Variants in ZDHHC21 observed in about 807,000 individuals in gnomAD.
The protein encoded by ZDHHC21 is palmitoyltransferase ZDHHC21.
Under a neutral mutation model 34.6 loss-of-function variants are expected in ZDHHC21, and 15 were observed. That is an observed-to-expected ratio of 0.43 (90% CI 0.29 to 0.67). ZDHHC21 has a LOEUF of 0.67. Ranked by LOEUF, ZDHHC21 falls within the 30% of genes least tolerant of loss-of-function variation. The probability of loss-of-function intolerance (pLI) is 0.14; values close to 1 mark genes in which losing one functional copy is unlikely to be tolerated. For synonymous variants in ZDHHC21, 142 were observed against 101.8 expected (o/e 1.40, Z -2.38); for missense variants, 344 against 327.7 (o/e 1.05, Z -0.38).
chr9:14,681,702 C>T (rs1837403604), intron 2 of ZDHHC21, among the ~76,000 whole-genome samples: 1 of 149,842 alleles, frequency 6.7e-6, no homozygotes, highest in Non-Finnish European at 1.5e-5. Context: ...GAGTAAGCAC[C>T]CCAAAAATGG....
chr9:14,691,736 G>T (rs1423566529), intron 1 of ZDHHC21, among the ~76,000 whole-genome samples: 1 of 152,100 alleles, frequency 6.6e-6, no homozygotes, highest in South Asian at 2.1e-4. Context: ...TAATAGAATT[G>T]TTTCCATCGA....
At chr9:14,620,726 A>C (rs1343571) in intron 8 of ZDHHC21, among the ~76,000 whole-genome samples, 1 of 151,850 alleles carries the variant, frequency 6.6e-6, no homozygotes, top group Admixed American at 6.6e-5. Flanking sequence ...ATTCTCATTA[A>C]GAATAGTTGC....
At position 14,688,645 on chromosome 9, in the gene ZDHHC21, T is replaced by C. The variant is rs543066786; in HGVS notation, c.-176+1692A>G. On this transcript the variant is annotated intron_variant, in intron 2 of 9. Coordinates refer to ENST00000380916, the MANE Select transcript of ZDHHC21 (RefSeq NM_178566.6). ...GGGAGGCAAAGGCGGGTGGATCACC[T>C]GAGGTCAGGAGTTCAAGACCAAACT... Among the ~76,000 whole-genome samples the C allele has an allele frequency of 7.9e-5, 12 of 152,242 alleles. No individual in the cohort carries two copies. The South Asian group carries it at 2.5e-3, about 32-fold the overall frequency.
chr9:14,630,945 T>A (rs1827235462), intron 8 of ZDHHC21, among the ~76,000 whole-genome samples: 1 of 152,254 alleles, frequency 6.6e-6, no homozygotes, highest in Non-Finnish European at 1.5e-5. Flanking sequence ...AGAGTAGATT[T>A]AGCATAATTC....
chr9:14,646,555 C>T (rs956050882), intron 7 of ZDHHC21, among the ~76,000 whole-genome samples: 1 of 152,104 alleles, frequency 6.6e-6, no homozygotes, highest in African/African-American at 2.4e-5. Context: ...GACCACCTCT[C>T]TGATCTCATC....
rs115987642 is a variant in ZDHHC21, at chr9:14,689,804, G to C, written c.-176+533C>G. 6.2e-3 allele frequency among the ~76,000 whole-genome samples: 940 copies of C among 152,270 alleles called. 15 individuals are homozygous for C. The highest frequency in any genetic ancestry group is 0.021 in the African/African-American group (888 of 41,560). On this transcript the variant is annotated intron_variant, in intron 2 of 9. Coordinates refer to ENST00000380916, the MANE Select transcript of ZDHHC21 (RefSeq NM_178566.6). ...GTCTGAGACAGGGTCTCACTATGTT[G>C]TCCAGGCTGGAGTGCTGCAATCACA...
the ZDHHC21 span, among the ~76,000 whole-genome samples, chr9:14,605,766 G>C: frequency 1.3e-5 from 2 of 152,100 alleles, no homozygotes; most frequent in Non-Finnish European, 2.9e-5. Context: ...ACAATGTTAT[G>C]AAGATTTTCC....
intron 2 of ZDHHC21, among the ~76,000 whole-genome samples, chr9:14,688,288 C>T (rs1838651748): frequency 6.6e-6 from 1 of 150,890 alleles, no homozygotes; most frequent in African/African-American, 2.5e-5. Context: ...ACTGGCAAAG[C>T]AGCGCCTCCA....
rs114341106 is a variant in ZDHHC21 at position 14,626,152 on chromosome 9, T to C, written c.622-6470A>G. Among the ~76,000 whole-genome samples the C allele has an allele frequency of 3.1e-3, 467 of 152,102 alleles. 4 individuals carry two copies. The highest frequency in any genetic ancestry group is 0.011 in the African/African-American group (446 of 41,564). On this transcript the variant is annotated intron_variant, in intron 8 of 9. Coordinates refer to ENST00000380916, the MANE Select transcript of ZDHHC21 (RefSeq NM_178566.6). Reference sequence around the variant, plus strand: ...ATACTTTGATAAGATTTTTGGTTATTAGTAGAAATAAGATGGGCATTTAAC... The same window carrying C: ...ATACTTTGATAAGATTTTTGGTTATCAGTAGAAATAAGATGGGCATTTAAC...
intron 8 of ZDHHC21, 95 bp from the exon 9 acceptor site, chr9:14,619,777 T>C (rs1457050690): frequency 2.8e-6 from 2 of 720,630 alleles, no homozygotes; most frequent in Non-Finnish European, 4.0e-6. Flanking sequence ...ATTCCAAAAA[T>C]ATTCTATAGA....
intron 8 of ZDHHC21, among the ~76,000 whole-genome samples, chr9:14,621,455 T>C (rs1156792259): frequency 6.6e-6 from 1 of 152,136 alleles, no homozygotes; most frequent in Non-Finnish European, 1.5e-5. Flanking sequence ...TCAAGTGTTT[T>C]TGATACCTTT....
intron 7 of ZDHHC21, among the ~76,000 whole-genome samples, chr9:14,658,517 T>C (rs1435761077): frequency 7.1e-5 from 8 of 112,784 alleles, no homozygotes; most frequent in Non-Finnish European, 9.9e-5. Context: ...GTCGCCCAGG[T>C]TGGAGTGCAG....
chr9:14,639,650 C>G (rs1385793846), intron 8 of ZDHHC21, among the ~76,000 whole-genome samples: 2 of 152,004 alleles, frequency 1.3e-5, no homozygotes, highest in Non-Finnish European at 2.9e-5. Context: ...CAATAAAAAA[C>G]TATAAACGTG....
intron 6 of ZDHHC21, among the ~76,000 whole-genome samples, chr9:14,659,348 T>C (rs1832936462): frequency 6.6e-6 from 1 of 152,202 alleles, no homozygotes; most frequent in African/African-American, 2.4e-5. Flanking sequence ...CATACCACTC[T>C]GACATAACTG....
intron 1 of ZDHHC21, among the ~76,000 whole-genome samples, chr9:14,692,878 G>C (rs570905867): frequency 1.3e-5 from 2 of 150,308 alleles, no homozygotes; most frequent in African/African-American, 4.8e-5. Context: ...TTACAAGCGA[G>C]AAACTCAGGA....
At chr9:14,663,686 T>C (rs1371219543) in intron 5 of ZDHHC21, among the ~76,000 whole-genome samples, 1 of 152,106 alleles carries the variant, frequency 6.6e-6, no homozygotes, top group Non-Finnish European at 1.5e-5. Flanking sequence ...AGAAACAAAG[T>C]ATGAATAAAA....
downstream of ZDHHC21, among the ~76,000 whole-genome samples, chr9:14,608,268 A>G (rs2133350481): frequency 6.6e-6 from 1 of 152,194 alleles, no homozygotes; most frequent in Non-Finnish European, 1.5e-5. Context: ...ATCTCGTACT[A>G]GGTACTCAAA....
intron 9 of ZDHHC21, 117 bp downstream of exon 9, chr9:14,619,522 A>C: frequency 1.1e-6 from 1 of 870,892 alleles, no homozygotes; most frequent in Non-Finnish European, 1.7e-6. Context: ...GGCCTCAGAC[A>C]ATGCACCAAG....
chr9:14,622,711 G>A, intron 8 of ZDHHC21: 4 of 985,254 alleles, frequency 4.1e-6, no homozygotes, highest in Non-Finnish European at 4.8e-6. Flanking sequence ...GCACATAAAG[G>A]AATAAACAAT....
Sources: gnomAD v4.1 joint callset for allele counts (sites outside exome capture counted in the v4.1 genomes callset) on GRCh38, gnomAD v4.1.1 for gene constraint, MANE v1.5 for transcripts, NCBI Gene and HGNC (gene_info 2026-07-23, HGNC 2026-07-21) for gene names.